Variants in FANK1 observed in about 807,000 individuals in gnomAD.
The protein encoded by FANK1 is fibronectin type 3 and ankyrin repeat domains protein 1.
In FANK1, 44 loss-of-function variants were observed where a neutral mutation model predicts 45.3. The observed-to-expected ratio is 0.97, with a 90% CI of 0.76 to 1.25. FANK1 has a LOEUF of 1.25. FANK1 is among the 50% of genes most tolerant of loss of function. The pLI, the probability that FANK1 is intolerant of heterozygous loss-of-function variation, is 0.00. For synonymous variants in FANK1, 149 were observed against 152.5 expected (o/e 0.98, Z 0.17); for missense variants, 391 against 424.4 (o/e 0.92, Z 0.69).
chr10:125,986,920 C>G (rs1951598342), intron 2 of FANK1, among the ~76,000 whole-genome samples: 1 of 152,208 alleles, frequency 6.6e-6, no homozygotes, highest in South Asian at 2.1e-4. Context: ...TTTAGCCACA[C>G]ACTTTGTGCC....
At chr10:125,947,198 G>A (rs1287841921) in intron 1 of FANK1, among the ~76,000 whole-genome samples, 1 of 152,024 alleles carries the variant, frequency 6.6e-6, no homozygotes, top group African/African-American at 2.4e-5. Flanking sequence ...GGAAGAAACT[G>A]CATCAACTAA....
At chr10:125,943,355 C>A (rs1395982641) in intron 1 of FANK1, among the ~76,000 whole-genome samples, 1 of 151,812 alleles carries the variant, frequency 6.6e-6, no homozygotes, top group Non-Finnish European at 1.5e-5. Flanking sequence ...AATTAATATA[C>A]CACAAAACTC....
At chr10:125,955,029 C>T (rs985800260) in intron 1 of FANK1, among the ~76,000 whole-genome samples, 4 of 151,928 alleles carry the variant, frequency 2.6e-5, no homozygotes, top group African/African-American at 7.3e-5. Flanking sequence ...TAGCAGCAAT[C>T]GCTTTAGCAT....
chr10:125,917,987 G>T (rs1210623411), intron 1 of FANK1, among the ~76,000 whole-genome samples: 1 of 152,270 alleles, frequency 6.6e-6, no homozygotes, highest in Non-Finnish European at 1.5e-5. Flanking sequence ...GCTGAGGTGG[G>T]TTGGATCACT....
At chr10:125,912,167 C>T (rs1196931635) in intron 1 of FANK1, among the ~76,000 whole-genome samples, 1 of 152,160 alleles carries the variant, frequency 6.6e-6, no homozygotes, top group Non-Finnish European at 1.5e-5. Context: ...GCACCTGATT[C>T]AGATCCTTCC....
intron 1 of FANK1, among the ~76,000 whole-genome samples, chr10:125,932,735 C>A (rs1453913992): frequency 6.6e-6 from 1 of 152,144 alleles, no homozygotes; most frequent in Non-Finnish European, 1.5e-5. Context: ...GTAGGACTTA[C>A]AGTACTATGT....
At chr10:125,934,432 C>T (rs146538584) in intron 1 of FANK1, among the ~76,000 whole-genome samples, 1 of 152,198 alleles carries the variant, frequency 6.6e-6, no homozygotes, top group East Asian at 1.9e-4. Flanking sequence ...CTGAGCGTGG[C>T]TCCAAGGGAA....
At position 125,995,514 on chromosome 10, in the gene FANK1, C is replaced by G. The variant is rs1433449445; in HGVS notation, c.398+16C>G. On this transcript the variant is annotated intron_variant, in intron 4 of 10. Transcript: ENST00000368693. ...TTCAAGGAGGGTGAGAGAACTCTGTCAGTTGTTTTTTTTCCCCCATGCCTA... is the reference window on the plus strand; with the variant it reads ...TTCAAGGAGGGTGAGAGAACTCTGTGAGTTGTTTTTTTTCCCCCATGCCTA... 6.2e-6 allele frequency: 10 copies of G among 1,612,766 alleles called. No homozygotes were observed. The highest frequency in any genetic ancestry group is 8.5e-6 in the Non-Finnish European group (10 of 1,178,962).
At chr10:125,948,072 C>T (rs1413909651) in intron 1 of FANK1, among the ~76,000 whole-genome samples, 1 of 148,652 alleles carries the variant, frequency 6.7e-6, no homozygotes, top group Non-Finnish European at 1.5e-5. Flanking sequence ...CCAACGAGAA[C>T]AAAGACACAA....
At position 125,949,249 on chromosome 10, in the gene FANK1, G is replaced by C. The variant is rs1182155570; in HGVS notation, c.14-30912G>C. Among the ~76,000 whole-genome samples the C allele has an allele frequency of 2.7e-5, 4 of 150,514 alleles. No homozygotes were observed. The East Asian group carries it at 6.0e-4, about 22-fold the overall frequency. On this transcript the variant is annotated intron_variant, in intron 1 of 10. Coordinates refer to ENST00000368693, the MANE Select transcript of FANK1 (RefSeq NM_145235.5). ...TCTCTCACCACTCCTATTCAACATA[G>C]TGTTGTAAGTTCTGGCCAGGGCAAT... is the stretch of plus-strand genomic sequence containing the variant.
chr10:125,918,091 AAAAAG>A, intron 1 of FANK1, among the ~76,000 whole-genome samples: 1 of 152,380 alleles, frequency 6.6e-6, no homozygotes, highest in African/African-American at 2.4e-5. Context: ...AAAAAGAAAA[AAAAAG>A]GGTAGTTTGG....
intron 1 of FANK1, among the ~76,000 whole-genome samples, chr10:125,898,897 G>GTTT (rs201482232): frequency 3.9e-5 from 5 of 128,884 alleles, no homozygotes; most frequent in East Asian, 2.3e-4. Context: ...AAGTTTTGTT[G>GTTT]TTTTTTTTTT....
chr10:125,977,968 G>A (rs1357299591), intron 1 of FANK1, among the ~76,000 whole-genome samples: 2 of 152,220 alleles, frequency 1.3e-5, no homozygotes, highest in Non-Finnish European at 2.9e-5. Flanking sequence ...TGTTCGGGGA[G>A]TTGCTGAGTT....
At chr10:125,924,853 G>A (rs796788748) in intron 1 of FANK1, among the ~76,000 whole-genome samples, 5 of 151,772 alleles carry the variant, frequency 3.3e-5, no homozygotes, top group African/African-American at 7.3e-5. Flanking sequence ...CCTTATGAAT[G>A]GATTTAATTA....
intron 8 of FANK1, 73 bp from the exon 9 acceptor site, chr10:126,008,981 A>G: frequency 7.0e-7 from 1 of 1,432,944 alleles, no homozygotes; most frequent in Non-Finnish European, 9.7e-7. Flanking sequence ...TGCATGTGCC[A>G]GGCTCATGCC....
chr10:125,999,183 T>G (rs1357137114), intron 6 of FANK1, among the ~76,000 whole-genome samples: 2 of 149,938 alleles, frequency 1.3e-5, no homozygotes, highest in African/African-American at 4.9e-5. Flanking sequence ...ACTTGGCATG[T>G]ATGTTAAAAA....
At position 125,912,443 on chromosome 10, in the gene FANK1, A is replaced by AGTGTGTGT. The variant is rs60956003; in HGVS notation, c.13+15825_13+15832dup. 4.4e-3 allele frequency among the ~76,000 whole-genome samples: 649 copies of AGTGTGTGT among 147,258 alleles called. 4 individuals carry two copies. Among genetic ancestry groups the AGTGTGTGT allele is most frequent in the African/African-American group, 0.015 (606 of 39,916 alleles). Reference sequence around the variant, plus strand: ...GTTTCCTTTTTATTGGCACCACCAAAGTGTGTGTGTGTGTGTGTGTGTGTG... The same window carrying AGTGTGTGT: ...GTTTCCTTTTTATTGGCACCACCAAAGTGTGTGTGTGTGTGTGTGTGTGTGTGTGTGTG... On this transcript the variant is annotated intron_variant, in intron 1 of 10. Coordinates refer to ENST00000368693, the MANE Select transcript of FANK1 (RefSeq NM_145235.5).
At chr10:125,980,761 C>G (rs965283883) in intron 2 of FANK1, 3 of 159,616 alleles carry the variant, frequency 1.9e-5, no homozygotes, top group Non-Finnish European at 4.1e-5. Context: ...CTGGCTGCCT[C>G]TCAGCCTGGA....
At chr10:125,940,644 A>G in intron 1 of FANK1, among the ~76,000 whole-genome samples, 1 of 151,940 alleles carries the variant, frequency 6.6e-6, no homozygotes, top group East Asian at 1.9e-4. Flanking sequence ...ATTCCTCCTC[A>G]GCACGGATCA....
Sources: allele counts gnomAD v4.1 joint callset (sites outside exome capture counted in the v4.1 genomes callset), GRCh38; gene constraint gnomAD v4.1.1; transcripts MANE v1.5; gene names NCBI Gene and HGNC (gene_info 2026-07-23, HGNC 2026-07-21).